Variants in ERC1 observed in about 807,000 individuals in gnomAD.
ERC1 encodes RAB6 interacting protein 2.
ERC1 carries 56 observed loss-of-function variants against 132.0 expected under a neutral mutation model. The ratio of observed to expected loss-of-function variants is 0.42; its 90% CI spans 0.34 to 0.53. ERC1 has a LOEUF of 0.53. Ranked by LOEUF, ERC1 falls within the 20% of genes least tolerant of loss-of-function variation. ERC1 has a pLI of 0.03. For synonymous variants in ERC1, 478 were observed against 476.1 expected (o/e 1.00, Z -0.05); for missense variants, 1,202 against 1,349.9 (o/e 0.89, Z 1.72).
chr12:1,480,404 T>C (rs1029685964), intron 18 of ERC1, among the ~76,000 whole-genome samples: 2 of 152,324 alleles, frequency 1.3e-5, no homozygotes, highest in African/African-American at 2.4e-5. Flanking sequence ...CTGCCCGTAA[T>C]TATGGTGTTT....
At chr12:1,021,245 C>T (rs889043499) in intron 1 of ERC1, among the ~76,000 whole-genome samples, 1 of 151,992 alleles carries the variant, frequency 6.6e-6, no homozygotes, top group Non-Finnish European at 1.5e-5. Flanking sequence ...CCAGCCGAGA[C>T]TCTTATTTCA....
intron 1 of ERC1, among the ~76,000 whole-genome samples, chr12:1,007,862 G>A (rs1036816388): frequency 2.0e-5 from 3 of 152,108 alleles, no homozygotes; most frequent in African/African-American, 7.2e-5. Flanking sequence ...AGAGATTCAA[G>A]CAGAAAATAA....
intron 11 of ERC1, among the ~76,000 whole-genome samples, chr12:1,189,497 A>G (rs1310028702): frequency 6.6e-6 from 1 of 152,216 alleles, no homozygotes; most frequent in Non-Finnish European, 1.5e-5. Context: ...ATCAGCAGTG[A>G]GTCCCTGGTG....
intron 16 of ERC1, among the ~76,000 whole-genome samples, chr12:1,377,318 A>G (rs1021860978): frequency 6.6e-6 from 1 of 152,204 alleles, no homozygotes; most frequent in African/African-American, 2.4e-5. Context: ...GTACTTTGAC[A>G]TTCACTGATT....
chr12:1,401,154 T>C (rs2091030760), intron 16 of ERC1, among the ~76,000 whole-genome samples: 2 of 151,870 alleles, frequency 1.3e-5, no homozygotes, highest in South Asian at 4.1e-4. Context: ...CAGGATGGTC[T>C]CCATCTCCTG....
At chr12:1,226,631 G>C (rs1362099511) in intron 12 of ERC1, among the ~76,000 whole-genome samples, 1 of 152,134 alleles carries the variant, frequency 6.6e-6, no homozygotes, top group African/African-American at 2.4e-5. Context: ...TCTGAGTTCT[G>C]TGAATTTGAT....
intron 8 of ERC1, among the ~76,000 whole-genome samples, chr12:1,148,070 C>T (rs565300266): frequency 6.6e-6 from 1 of 152,170 alleles, no homozygotes; most frequent in Admixed American, 6.5e-5. Context: ...CAGCAAGCTA[C>T]TAAAAAAGCC....
intron 15 of ERC1, among the ~76,000 whole-genome samples, chr12:1,324,436 C>A (rs1184313624): frequency 6.6e-6 from 1 of 152,102 alleles, no homozygotes; most frequent in East Asian, 1.9e-4. Flanking sequence ...TTGCTGGATG[C>A]ATGTCAGAAG....
intron 7 of ERC1, among the ~76,000 whole-genome samples, chr12:1,123,176 G>T (rs916937162): frequency 1.3e-5 from 2 of 152,094 alleles, no homozygotes; most frequent in Non-Finnish European, 2.9e-5. Flanking sequence ...TACTTAAGAA[G>T]ATAATGATAA....
intron 15 of ERC1, among the ~76,000 whole-genome samples, chr12:1,320,538 A>G (rs955515045): frequency 6.6e-6 from 1 of 152,186 alleles, no homozygotes; most frequent in African/African-American, 2.4e-5. Context: ...ATTACATTCA[A>G]TGCTACAGAA....
At chr12:1,041,503 A>C (rs2154160306) in intron 2 of ERC1, among the ~76,000 whole-genome samples, 1 of 152,134 alleles carries the variant, frequency 6.6e-6, no homozygotes, top group African/African-American at 2.4e-5. Flanking sequence ...CACCGTACCC[A>C]GCCTAGTTTT....
intron 7 of ERC1, 140 bp downstream of exon 7, chr12:1,116,173 C>T (rs1254070486): frequency 7.2e-6 from 5 of 691,486 alleles, no homozygotes; most frequent in African/African-American, 1.8e-5. Flanking sequence ...TGATCAGTCA[C>T]TGTGCTAAAA....
At chr12:1,013,920 G>C (rs2154140675) in intron 1 of ERC1, among the ~76,000 whole-genome samples, 1 of 152,122 alleles carries the variant, frequency 6.6e-6, no homozygotes, top group South Asian at 2.1e-4. Context: ...GTTTTTTGTG[G>C]AGACGAGGTC....
intron 6 of ERC1, among the ~76,000 whole-genome samples, chr12:1,114,220 A>G (rs1186617807): frequency 6.6e-6 from 1 of 151,906 alleles, no homozygotes; most frequent in Non-Finnish European, 1.5e-5. Context: ...GATGGGTTTC[A>G]CTATGTTGGC....
intron 7 of ERC1, among the ~76,000 whole-genome samples, chr12:1,121,789 ATCTC>A (rs869151402): frequency 1.2e-3 from 6 of 5,126 alleles, no homozygotes; most frequent in African/African-American, 1.6e-3. Flanking sequence ...ATCTATCTCT[ATCTC>A]TATCTCTATC....
chr12:1,252,990 G>T (rs1392650706), intron 13 of ERC1, among the ~76,000 whole-genome samples: 1 of 152,210 alleles, frequency 6.6e-6, no homozygotes, highest in African/African-American at 2.4e-5. Flanking sequence ...TTACGTTAAG[G>T]ATAATGGATA....
chr12:1,233,175 G>A (rs2075171328), intron 12 of ERC1, among the ~76,000 whole-genome samples: 1 of 152,018 alleles, frequency 6.6e-6, no homozygotes, highest in African/African-American at 2.4e-5. Flanking sequence ...CTCTTTAAGA[G>A]TGAGAAAACC....
intron 13 of ERC1, among the ~76,000 whole-genome samples, chr12:1,250,637 G>A (rs965560887): frequency 3.3e-5 from 5 of 151,936 alleles, no homozygotes; most frequent in Non-Finnish European, 7.4e-5. Context: ...AATTCTGTAG[G>A]CTATCCTTTA....
At chr12:1,318,927 C>T (rs2081946260) in intron 15 of ERC1, among the ~76,000 whole-genome samples, 2 of 151,994 alleles carry the variant, frequency 1.3e-5, no homozygotes, top group Admixed American at 6.6e-5. Context: ...ACAGTCTCTC[C>T]AAGTTAACTG....
Sources: gnomAD v4.1 joint callset for allele counts (sites outside exome capture counted in the v4.1 genomes callset) on GRCh38, gnomAD v4.1.1 for gene constraint, MANE v1.5 for transcripts, NCBI Gene and HGNC (gene_info 2026-07-23, HGNC 2026-07-21) for gene names.